Variants in ACACA observed in about 807,000 individuals in gnomAD.
ACACA encodes the protein acetyl-CoA carboxylase 1.
A neutral mutation model predicts 296.1 loss-of-function variants in ACACA; 103 were observed. That is an observed-to-expected ratio of 0.35 (90% confidence interval 0.30 to 0.41). The LOEUF (loss-of-function observed/expected upper bound fraction) is 0.41. Ranked by LOEUF, ACACA falls within the 10% of genes least tolerant of loss-of-function variation. The pLI is 1.00. For synonymous variants in ACACA, 953 were observed against 1,038.6 expected (o/e 0.92, Z 1.58); for missense variants, 1,554 against 2,989.7 (o/e 0.52, Z 11.20).
intron 28 of ACACA, among the ~76,000 whole-genome samples, 193 bp downstream of exon 28, chr17:37,223,309 CTAGAAGCTGG>C (rs1441918394): frequency 1.3e-5 from 2 of 152,110 alleles, no homozygotes; most frequent in Admixed American, 1.3e-4. Context: ...TGATTGGAAC[CTAGAAGCTGG>C]TGATGAGTTC....
At chr17:37,250,463 C>T (rs1338958512) in intron 16 of ACACA, among the ~76,000 whole-genome samples, 1 of 151,902 alleles carries the variant, frequency 6.6e-6, no homozygotes, top group Admixed American at 6.6e-5. Flanking sequence ...CATGTTGAAA[C>T]TCCGTCTCTA....
chr17:37,254,571 C>T (rs147952142), intron 14 of ACACA, among the ~76,000 whole-genome samples: 1 of 152,196 alleles, frequency 6.6e-6, no homozygotes. Context: ...ATTTTAACTG[C>T]CAATTGTCTT....
At chr17:37,126,212 T>G (rs1174524469) in intron 47 of ACACA, among the ~76,000 whole-genome samples, 1 of 152,226 alleles carries the variant, frequency 6.6e-6, no homozygotes, top group African/African-American at 2.4e-5. Context: ...TCCACTGACT[T>G]TCTTTTAACT....
At chr17:37,169,001 T>C (rs1598046737) in intron 41 of ACACA, among the ~76,000 whole-genome samples, 2 of 152,314 alleles carry the variant, frequency 1.3e-5, no homozygotes, top group East Asian at 3.9e-4. Context: ...TACAGAACCT[T>C]TCATCTTGAA....
chr17:37,255,500 A>G (rs2081186976), intron 14 of ACACA, among the ~76,000 whole-genome samples: 1 of 152,216 alleles, frequency 6.6e-6, no homozygotes, highest in Non-Finnish European at 1.5e-5. Flanking sequence ...TTAGCTTTGT[A>G]CTGTAGACAA....
intron 24 of ACACA, 146 bp downstream of exon 24, chr17:37,240,330 G>C: frequency 2.9e-6 from 2 of 693,530 alleles, no homozygotes; most frequent in Non-Finnish European, 5.1e-6. Flanking sequence ...TAGTTTTTAA[G>C]GGAGTAGTGA....
chr17:37,125,025 T>C (rs1024878186), intron 48 of ACACA, among the ~76,000 whole-genome samples: 6 of 152,140 alleles, frequency 3.9e-5, no homozygotes, highest in Non-Finnish European at 7.4e-5. Context: ...AGAAGTAGAT[T>C]AAGATCAGTC....
At chr17:37,307,043 T>C (rs1207336157) in intron 3 of ACACA, among the ~76,000 whole-genome samples, 1 of 152,060 alleles carries the variant, frequency 6.6e-6, no homozygotes, top group East Asian at 1.9e-4. Flanking sequence ...GTCGAATTTA[T>C]GGAAAAAAAA....
At chr17:37,131,989 C>A (rs1340303229) in intron 45 of ACACA, among the ~76,000 whole-genome samples, 2 of 152,190 alleles carry the variant, frequency 1.3e-5, no homozygotes, top group African/African-American at 2.4e-5. Flanking sequence ...TCAGCCCAGG[C>A]ACTGCGGCTC....
At chr17:37,329,042 A>G (rs1187542823) in intron 3 of ACACA, 2 of 398,266 alleles carry the variant, frequency 5.0e-6, no homozygotes, top group Admixed American at 4.4e-5. Context: ...ATAATCAAAC[A>G]TCGATAAATA....
chr17:37,202,668 CATATAT>C (rs1179497445), intron 33 of ACACA, among the ~76,000 whole-genome samples: 3 of 71,184 alleles, frequency 4.2e-5, no homozygotes, highest in Admixed American at 1.4e-4. Flanking sequence ...CCTTTTCTTT[CATATAT>C]ATATATATAT....
At chr17:37,275,495 C>CAAAAAAAAA (rs34064045) in intron 8 of ACACA, among the ~76,000 whole-genome samples, 18 of 61,556 alleles carry the variant, frequency 2.9e-4, no homozygotes, top group Middle Eastern at 8.1e-3. Flanking sequence ...GACTCCAACT[C>CAAAAAAAAA]AAAAAAAAAA....
intron 1 of ACACA, among the ~76,000 whole-genome samples, chr17:37,376,963 AAAATT>A (rs1180523354): frequency 1.3e-5 from 2 of 152,174 alleles, no homozygotes; most frequent in Non-Finnish European, 2.9e-5. Flanking sequence ...CAAAAAATAA[AAAATT>A]AAAATAAAAA....
At chr17:37,305,440 A>C (rs1240914637) in intron 3 of ACACA, among the ~76,000 whole-genome samples, 1 of 152,200 alleles carries the variant, frequency 6.6e-6, no homozygotes, top group Non-Finnish European at 1.5e-5. Context: ...ATGATTAGAT[A>C]GAGTTTATGC....
intron 35 of ACACA, among the ~76,000 whole-genome samples, chr17:37,194,223 T>C (rs1376916352): frequency 6.6e-6 from 1 of 152,154 alleles, no homozygotes; most frequent in Non-Finnish European, 1.5e-5. Flanking sequence ...GAGGTTTCAT[T>C]AGGCATCTTC....
intron 2 of ACACA, 80 bp downstream of exon 2, chr17:37,339,724 A>G: frequency 2.2e-6 from 2 of 914,612 alleles, no homozygotes; most frequent in Non-Finnish European, 3.5e-6. Context: ...CTTTTAACAC[A>G]AAAGCCTACA....
At chr17:37,390,304 T>TATATATC (rs2050786450) in intron 1 of ACACA, among the ~76,000 whole-genome samples, 3 of 17,988 alleles carry the variant, frequency 1.7e-4, no homozygotes, top group African/African-American at 1.1e-3. Flanking sequence ...TTATACATAA[T>TATATATC]TATATATATA....
intron 50 of ACACA, among the ~76,000 whole-genome samples, chr17:37,118,856 CTTAA>C (rs1033200873): frequency 1.3e-5 from 2 of 152,086 alleles, no homozygotes; most frequent in African/African-American, 4.8e-5. Flanking sequence ...CTCAATGAAT[CTTAA>C]TTGTTGTTGT....
At chr17:37,118,818 T>C (rs1481912171) in intron 50 of ACACA, among the ~76,000 whole-genome samples, 2 of 152,234 alleles carry the variant, frequency 1.3e-5, no homozygotes, top group Non-Finnish European at 2.9e-5. Context: ...CATGTAAAAT[T>C]GTTAGCACAA....
Sources: allele counts gnomAD v4.1 joint callset (sites outside exome capture counted in the v4.1 genomes callset), GRCh38; gene constraint gnomAD v4.1.1; transcripts MANE v1.5; gene names NCBI Gene and HGNC (gene_info 2026-07-23, HGNC 2026-07-21).